Variants in MCOLN2 observed in about 807,000 individuals in gnomAD.
The protein encoded by MCOLN2 is mucolipin-2.
MCOLN2 carries 57 observed loss-of-function variants against 67.5 expected under a neutral mutation model. That is an observed-to-expected ratio of 0.84 (90% CI 0.68 to 1.05). MCOLN2 has a LOEUF of 1.05. MCOLN2 is among the 50% of genes least tolerant of loss of function. MCOLN2 has a pLI of 0.00. For missense variants in MCOLN2, 620 were observed against 678.8 expected (o/e 0.91, Z 0.96); for synonymous variants, 246 against 233.3 (o/e 1.05, Z -0.50).
intron 13 of MCOLN2, among the ~76,000 whole-genome samples, chr1:84,927,183 T>A (rs1404088789): frequency 6.9e-6 from 1 of 145,850 alleles, no homozygotes; most frequent in Admixed American, 7.2e-5. Flanking sequence ...AGCACATGTA[T>A]CCCAGAATTT....
chr1:84,992,959 T>G (rs1650961761), intron 1 of MCOLN2, among the ~76,000 whole-genome samples: 1 of 152,214 alleles, frequency 6.6e-6, no homozygotes, highest in African/African-American at 2.4e-5. Context: ...ATATATCAAT[T>G]AACTCTTCCT....
chr1:84,937,780 A>G lies in MCOLN2; in HGVS notation c.1310T>C (p.Ile437Thr). ...CTTGTCATGGTATGGTCCTAAGACA[A>G]TCCAGCCACAGAATGTGTAACCCAG... ...IYLGYTFCGW[I>T]VLGPYHDKFE... The change falls in exon 11 of 14, where the codon ATT (isoleucine) becomes ACT (threonine). Residue 437 changes from isoleucine (I) to threonine (T), a missense_variant. By Grantham distance (89) the Ile-to-Thr change is moderately conservative. Transcript: ENST00000370608. The G allele has an allele frequency of 1.2e-6, 2 of 1,614,242 alleles. No individual in the cohort carries two copies. Among genetic ancestry groups the G allele is most frequent in the Non-Finnish European group, 1.7e-6 (2 of 1,180,042 alleles).
chr1:84,950,117 T>C (rs1352798597), intron 6 of MCOLN2, among the ~76,000 whole-genome samples: 1 of 152,158 alleles, frequency 6.6e-6, no homozygotes, highest in Non-Finnish European at 1.5e-5. Context: ...CAAACACAAG[T>C]ACAATTAGAG....
intron 7 of MCOLN2, among the ~76,000 whole-genome samples, chr1:84,943,876 C>T (rs1243690521): frequency 6.6e-6 from 1 of 152,194 alleles, no homozygotes; most frequent in Non-Finnish European, 1.5e-5. Context: ...GCCATTTACA[C>T]TCAAGAAAGT....
intron 1 of MCOLN2, among the ~76,000 whole-genome samples, chr1:84,974,387 T>C (rs1649893713): frequency 6.6e-6 from 1 of 151,530 alleles, no homozygotes; most frequent in Non-Finnish European, 1.5e-5. Flanking sequence ...GATCCCTTCC[T>C]TCTGCTTGAG....
chr1:84,939,160 C>T (rs772955788), intron 9 of MCOLN2, among the ~76,000 whole-genome samples: 5 of 152,108 alleles, frequency 3.3e-5, no homozygotes, highest in South Asian at 4.2e-4. Flanking sequence ...CAGGCTTTAG[C>T]GGGCAGTCTG....
intron 5 of MCOLN2, 29 bp from the exon 6 acceptor site, chr1:84,952,368 T>C (rs754809229): frequency 9.4e-6 from 15 of 1,590,364 alleles, no homozygotes; most frequent in Admixed American, 1.7e-5. Context: ...AAGGTATAAA[T>C]TGTCATAATC....
chr1:84,994,004 G>T (rs1651024001), intron 1 of MCOLN2, among the ~76,000 whole-genome samples: 1 of 152,180 alleles, frequency 6.6e-6, no homozygotes, highest in Non-Finnish European at 1.5e-5. Flanking sequence ...TAACATATAT[G>T]AAAACAACAT....
At chr1:84,931,324 C>T (rs1419128656) in intron 12 of MCOLN2, 38 bp downstream of exon 12, 2 of 1,135,084 alleles carry the variant, frequency 1.8e-6, no homozygotes, top group Non-Finnish European at 2.7e-6. Flanking sequence ...ATAGAATTTG[C>T]AGTGATTTTT....
chr1:84,928,963 TA>T (rs549064213), intron 13 of MCOLN2, among the ~76,000 whole-genome samples: 9 of 149,508 alleles, frequency 6.0e-5, no homozygotes, highest in East Asian at 1.9e-4. Flanking sequence ...ATAGGCACAT[TA>T]AAAAAAAAAT....
chr1:84,970,529 A>AT (rs1174782955), intron 1 of MCOLN2, among the ~76,000 whole-genome samples: 14 of 151,846 alleles, frequency 9.2e-5, no homozygotes, highest in African/African-American at 2.7e-4. Flanking sequence ...AAAAAAAAAA[A>AT]AATAACAGGC....
intron 7 of MCOLN2, among the ~76,000 whole-genome samples, chr1:84,941,496 CAAAACAA>C (rs997690050): frequency 3.3e-5 from 5 of 151,512 alleles, no homozygotes; most frequent in Admixed American, 2.0e-4. Context: ...GATTCTGTCT[CAAAACAA>C]AAAACAAAAA....
intron 12 of MCOLN2, among the ~76,000 whole-genome samples, chr1:84,930,282 AG>A (rs1186969512): frequency 1.3e-5 from 2 of 151,762 alleles, no homozygotes; most frequent in African/African-American, 4.9e-5. Flanking sequence ...AAAAAAAAAA[AG>A]TCTAAACTTT....
chr1:84,937,525 A>G lies in MCOLN2; in HGVS notation c.1335+230T>C, dbSNP rs1182206638. The G allele has an allele frequency of 2.6e-6, 3 of 1,139,004 alleles. No individual in the cohort carries two copies. The African/African-American group carries it at 4.8e-5, about 18-fold the overall frequency. 70.6% of individuals were successfully genotyped at this position (1,139,004 alleles called of 1,614,324 possible). On this transcript the variant is annotated intron_variant, in intron 11 of 13. Coordinates refer to ENST00000370608, the MANE Select transcript of MCOLN2 (RefSeq NM_153259.4). ...ATGTGACCCCTTAAGCCAGTCCCAG[A>G]CAACTATAATACATGCTTTCTAGTA...
At chr1:84,932,609 C>A (rs1647235192) in intron 11 of MCOLN2, among the ~76,000 whole-genome samples, 1 of 152,086 alleles carries the variant, frequency 6.6e-6, no homozygotes, top group Non-Finnish European at 1.5e-5. Flanking sequence ...TTCTAAATTG[C>A]CCTATTTCTG....
At chr1:84,952,106 T>C in intron 6 of MCOLN2, 137 bp downstream of exon 6, 1 of 615,020 alleles carries the variant, frequency 1.6e-6, no homozygotes, top group Non-Finnish European at 2.8e-6. Context: ...GAAAAGAGTA[T>C]CATATTGTAT....
chr1:84,967,925 A>C (rs1017440745), intron 1 of MCOLN2, among the ~76,000 whole-genome samples: 1 of 152,162 alleles, frequency 6.6e-6, no homozygotes, highest in Non-Finnish European at 1.5e-5. Flanking sequence ...AATCCTAGAT[A>C]CAATACATTC....
intron 1 of MCOLN2, among the ~76,000 whole-genome samples, chr1:84,994,551 T>A (rs1162280595): frequency 6.6e-6 from 1 of 152,236 alleles, no homozygotes; most frequent in East Asian, 1.9e-4. Flanking sequence ...CTTCCTTTCT[T>A]AAAGCTCATG....
intron 1 of MCOLN2, among the ~76,000 whole-genome samples, chr1:84,995,944 G>A (rs1651127909): frequency 6.6e-6 from 1 of 152,114 alleles, no homozygotes; most frequent in African/African-American, 2.4e-5. Context: ...TATGGAAAAT[G>A]TGTCGTTTTT....
Sources: gnomAD v4.1 joint callset for allele counts (sites outside exome capture counted in the v4.1 genomes callset) on GRCh38, gnomAD v4.1.1 for gene constraint, MANE v1.5 for transcripts, NCBI Gene and HGNC (gene_info 2026-07-23, HGNC 2026-07-21) for gene names.